CLDN10: variants seen among roughly 807,000 people sequenced by gnomAD.
The protein encoded by CLDN10 is claudin-10.
Under a neutral mutation model 22.9 loss-of-function variants are expected in CLDN10, and 15 were observed. The ratio of observed to expected loss-of-function variants is 0.65; its 90% CI spans 0.44 to 1.01. The LOEUF is 1.01. Among genes scored for constraint, CLDN10 ranks in the 50% least tolerant of loss-of-function variants. The pLI is 0.00. For synonymous variants in CLDN10, 114 were observed against 111.4 expected (o/e 1.02, Z -0.15); for missense variants, 247 against 287.8 (o/e 0.86, Z 1.03).
chr13:95,579,255 T>C lies in CLDN10; in HGVS notation c.*1241T>C, dbSNP rs1308026650. ...ACCTGTTTACGGCTAACTGGATAACTGAGAGACTTGTCATTTCTAAAGACA... is the reference window on the plus strand; with the variant it reads ...ACCTGTTTACGGCTAACTGGATAACCGAGAGACTTGTCATTTCTAAAGACA... On this transcript the variant is annotated 3_prime_UTR_variant, in exon 5 of 5. Coordinates refer to ENST00000299339, the MANE Select transcript of CLDN10 (RefSeq NM_006984.5). 6.6e-6 allele frequency: 1 copy of C among 152,234 alleles called. No individual in the cohort carries two copies. 9.4% of individuals were successfully genotyped at this position (152,234 alleles called of 1,614,324 possible).
Position 95,443,664 on chromosome 13 carries a change from T to A in CLDN10, c.214+9617T>A, listed in dbSNP as rs1411416087. 3.9e-5 allele frequency among the ~76,000 whole-genome samples: 6 copies of A among 151,986 alleles called. No homozygotes were observed. The South Asian group carries it at 1.0e-3, about 26-fold the overall frequency. On this transcript the variant is annotated intron_variant, in intron 1 of 4. Transcript: ENST00000376873. ...TTAATACTTTCAGCAGGCTTTGGAGTGTAGGAGCCCCAAGTTGTCTGGTTG... is the reference window on the plus strand; with the variant it reads ...TTAATACTTTCAGCAGGCTTTGGAGAGTAGGAGCCCCAAGTTGTCTGGTTG...
intron 1 of CLDN10, among the ~76,000 whole-genome samples, chr13:95,438,810 C>T (rs2042296328): frequency 6.6e-6 from 1 of 151,952 alleles, no homozygotes; most frequent in African/African-American, 2.4e-5. Context: ...GAAATCCTGT[C>T]TCTACTGAAA....
At chr13:95,485,453 A>G (rs1371282904) in intron 1 of CLDN10, among the ~76,000 whole-genome samples, 1 of 152,202 alleles carries the variant, frequency 6.6e-6, no homozygotes, top group African/African-American at 2.4e-5. Flanking sequence ...CCACAGGTCT[A>G]TGAGTCATTG....
intron 1 of CLDN10, among the ~76,000 whole-genome samples, chr13:95,485,647 AT>A (rs1422066994): frequency 6.6e-6 from 1 of 152,164 alleles, no homozygotes; most frequent in African/African-American, 2.4e-5. Flanking sequence ...TCCCTGCTAA[AT>A]TTCAGCCTGA....
chr13:95,544,484 T>A (rs1156810654), intron 1 of CLDN10, among the ~76,000 whole-genome samples: 1 of 152,210 alleles, frequency 6.6e-6, no homozygotes, highest in East Asian at 1.9e-4. Flanking sequence ...AGGCAAAACA[T>A]GACATCAACT....
intron 3 of CLDN10, among the ~76,000 whole-genome samples, chr13:95,574,228 TAA>T (rs938515124): frequency 6.6e-6 from 1 of 152,080 alleles, no homozygotes; most frequent in African/African-American, 2.4e-5. Flanking sequence ...AGGTGTGAAT[TAA>T]AGTCACTGTT....
Position 95,440,267 on chromosome 13 carries a change from T to G in CLDN10, c.214+6220T>G, listed in dbSNP as rs142326806. On this transcript the variant is annotated intron_variant, in intron 1 of 4. Coordinates refer to the CLDN10 transcript ENST00000376873. ...CCTTGGATAACACTTACCTTTCCAT[T>G]CTCTAAGATCCTGATGCTGCTTTCT... Among the ~76,000 whole-genome samples the G allele has an allele frequency of 8.9e-4, 135 of 152,348 alleles. 2 individuals are homozygous for G. The East Asian group carries it at 0.021, about 24-fold the overall frequency.
At chr13:95,559,345 A>C (rs1200913803) in intron 1 of CLDN10, among the ~76,000 whole-genome samples, 1 of 152,250 alleles carries the variant, frequency 6.6e-6, no homozygotes, top group Non-Finnish European at 1.5e-5. Context: ...GACTAAGAAC[A>C]TGAATAGCAC....
intron 1 of CLDN10, among the ~76,000 whole-genome samples, chr13:95,487,375 T>C (rs944325766): frequency 6.6e-6 from 1 of 152,160 alleles, no homozygotes; most frequent in Non-Finnish European, 1.5e-5. Flanking sequence ...GGCTAAAGAG[T>C]ATGTTATCAC....
intron 1 of CLDN10, among the ~76,000 whole-genome samples, chr13:95,450,568 A>ACAGTCCGCTCTGATT (rs2042423656): frequency 6.6e-6 from 1 of 152,216 alleles, no homozygotes; most frequent in East Asian, 1.9e-4. Flanking sequence ...TGTCTTCCTC[A>ACAGTCCGCTCTGATT]CAGTCCGCTC....
At chr13:95,501,674 G>A (rs1395811825) in intron 1 of CLDN10, among the ~76,000 whole-genome samples, 2 of 152,080 alleles carry the variant, frequency 1.3e-5, no homozygotes, top group Non-Finnish European at 2.9e-5. Context: ...TATTGCAAGT[G>A]CATTCTTTAT....
chr13:95,435,710 T>C (rs375858868), intron 1 of CLDN10, among the ~76,000 whole-genome samples: 259 of 152,312 alleles, frequency 1.7e-3, no homozygotes, highest in African/African-American at 6.1e-3. Flanking sequence ...CTTACAATCG[T>C]TCTTTCTCCA....
intron 1 of CLDN10, among the ~76,000 whole-genome samples, chr13:95,438,719 C>T (rs1246403418): frequency 6.6e-6 from 1 of 152,120 alleles, no homozygotes; most frequent in African/African-American, 2.4e-5. Context: ...TGGCTCACGC[C>T]TGTAATCCCA....
intron 1 of CLDN10, among the ~76,000 whole-genome samples, chr13:95,505,612 C>T (rs1430056292): frequency 2.6e-5 from 4 of 152,238 alleles, no homozygotes; most frequent in African/African-American, 4.8e-5. Context: ...TCATCTCTGT[C>T]GAATCACTGC....
intron 1 of CLDN10, among the ~76,000 whole-genome samples, chr13:95,500,078 A>G (rs1057388917): frequency 2.5e-4 from 32 of 129,614 alleles, no homozygotes; most frequent in African/African-American, 8.0e-4. Context: ...CCCACCTACC[A>G]ATTCATGTAG....
chr13:95,505,754 T>TC (rs2138549043), intron 1 of CLDN10, among the ~76,000 whole-genome samples: 1 of 127,640 alleles, frequency 7.8e-6, no homozygotes, highest in East Asian at 2.0e-4. Context: ...CCTTTCTTTT[T>TC]TTTTTTTTTT....
chr13:95,461,789 C>T (rs1364689940), intron 1 of CLDN10, among the ~76,000 whole-genome samples: 2 of 152,202 alleles, frequency 1.3e-5, no homozygotes, highest in Non-Finnish European at 2.9e-5. Context: ...AACAGCAGAA[C>T]TTGTTCTTAA....
chr13:95,503,289 A>T (rs555308748), intron 1 of CLDN10, among the ~76,000 whole-genome samples: 1 of 152,246 alleles, frequency 6.6e-6, no homozygotes, highest in South Asian at 2.1e-4. Flanking sequence ...AGAAAAAAAC[A>T]TTAGAGGGTC....
chr13:95,496,881 A>G (rs534702048), intron 1 of CLDN10, among the ~76,000 whole-genome samples: 1 of 152,262 alleles, frequency 6.6e-6, no homozygotes, highest in South Asian at 2.1e-4. Flanking sequence ...ACCATCTGCT[A>G]CTGGGTTCTG....
Sources: allele counts gnomAD v4.1 joint callset (sites outside exome capture counted in the v4.1 genomes callset), GRCh38; gene constraint gnomAD v4.1.1; transcripts MANE v1.5; gene names NCBI Gene and HGNC (gene_info 2026-07-23, HGNC 2026-07-21).